Variants in ZNF827 observed in about 807,000 individuals in gnomAD.
The protein encoded by ZNF827 is zinc finger protein 827.
In ZNF827, 13 loss-of-function variants were observed where a neutral mutation model predicts 102.4. That is an observed-to-expected ratio of 0.13 (90% CI 0.08 to 0.20). ZNF827 has a LOEUF of 0.20. Among genes scored for constraint, ZNF827 ranks in the 10% least tolerant of loss-of-function variants. ZNF827 has a pLI of 1.00. For synonymous variants in ZNF827, 523 were observed against 536.2 expected, an observed-to-expected ratio of 0.98 and a Z score of 0.34; for missense variants, 1,103 against 1,344.4, an observed-to-expected ratio of 0.82 and a Z score of 2.81.
At position 145,870,287 on chromosome 4, in the gene ZNF827, C is replaced by T. The variant is rs771083974; in HGVS notation, c.1939G>A (p.Val647Met). The T allele has an allele frequency of 1.3e-5, 21 of 1,614,142 alleles. No individual in the cohort carries two copies. Among genetic ancestry groups the T allele is most frequent in the Non-Finnish European group, 1.7e-5 (20 of 1,180,002 alleles). Residue 647 changes from valine to methionine, a missense_variant, in exon 5 of 15, where the codon GTG becomes ATG. Physicochemically the swap from Val to Met is conservative, Grantham distance 21. Coordinates refer to ENST00000508784, the MANE Select transcript of ZNF827 (RefSeq NM_001306215.2). ...EGKGSVLRRD[V>M]SVKAASELLM... ...AGTTCAGAGGCTGCTTTGACTGACA[C>T]ATCCCGCCTTAGCACACTTCCCTTC...
intron 7 of ZNF827, among the ~76,000 whole-genome samples, chr4:145,827,225 G>A (rs927890622): frequency 2.6e-5 from 4 of 152,094 alleles, no homozygotes; most frequent in African/African-American, 4.8e-5. Flanking sequence ...ACTGCCTTTC[G>A]TTGGTCCGTT....
At chr4:145,886,903 T>C (rs1393389251) in intron 3 of ZNF827, among the ~76,000 whole-genome samples, 1 of 152,248 alleles carries the variant, frequency 6.6e-6, no homozygotes, top group Admixed American at 6.5e-5. Context: ...ATGCACATGA[T>C]ACCTGTAAAA....
intron 7 of ZNF827, among the ~76,000 whole-genome samples, chr4:145,840,560 T>TA (rs1178010559): frequency 6.6e-6 from 1 of 152,188 alleles, no homozygotes; most frequent in African/African-American, 2.4e-5. Flanking sequence ...ATGTAAAGGG[T>TA]AAAGAGAATA....
In ZNF827 at chr4:145,927,619, G is replaced by A. The variant is rs1440625683; in HGVS notation, c.43+10746C>T. Among the ~76,000 whole-genome samples the A allele has an allele frequency of 2.6e-5, 4 of 152,112 alleles. No homozygotes were observed. The East Asian group carries it at 5.8e-4, about 22-fold the overall frequency. On this transcript the variant is annotated intron_variant, in intron 1 of 14. Coordinates refer to ENST00000508784, the MANE Select transcript of ZNF827 (RefSeq NM_001306215.2). The stretch of plus-strand genomic sequence containing the variant: ...GTGGAGAGGCTCTAAGCAATTTATA[G>A]TGGCCAAAACCATCTCCTTCAGGCT...
intron 8 of ZNF827, among the ~76,000 whole-genome samples, chr4:145,796,977 T>G (rs1740450452): frequency 2.0e-5 from 3 of 152,152 alleles, no homozygotes; most frequent in Admixed American, 2.0e-4. Flanking sequence ...TACCTTCATT[T>G]CATAGATACC....
chr4:145,812,835 T>C (rs890195451), intron 8 of ZNF827, among the ~76,000 whole-genome samples: 2 of 152,188 alleles, frequency 1.3e-5, no homozygotes, highest in African/African-American at 4.8e-5. Context: ...ACCTAAACCA[T>C]TTTATTCTAA....
At chr4:145,885,179 C>T (rs1482382428) in intron 4 of ZNF827, among the ~76,000 whole-genome samples, 1 of 151,940 alleles carries the variant, frequency 6.6e-6, no homozygotes, top group African/African-American at 2.4e-5. Context: ...AGATAGTTAT[C>T]ATTTGCTCAA....
At position 145,758,580 on chromosome 4, in the gene ZNF827, G is replaced by C. The variant is rs554809240; in HGVS notation, c.*3036C>G. On this transcript the variant is annotated 3_prime_UTR_variant, in exon 15 of 15. Transcript: ENST00000508784. ...TTATATGGGGATAAAGACATGACTT[G>C]AAAACAAAACAAAACAAAACAAAAA... is the stretch of plus-strand genomic sequence containing the variant. The C allele has an allele frequency of 6.6e-6, 1 of 152,174 alleles. No individual in the cohort carries two copies. Among genetic ancestry groups the C allele is most frequent in the Non-Finnish European group, 1.5e-5 (1 of 68,126 alleles). The allele number at this position is 152,174 out of a possible 1,614,324, so 9.4% of individuals were successfully genotyped here.
chr4:145,800,488 A>G (rs1173027824), intron 8 of ZNF827, among the ~76,000 whole-genome samples: 1 of 152,008 alleles, frequency 6.6e-6, no homozygotes, highest in Non-Finnish European at 1.5e-5. Context: ...CGAGTAGCTA[A>G]GACTACAGAC....
At chr4:145,770,812 A>C (rs1200531115) in intron 11 of ZNF827, among the ~76,000 whole-genome samples, 1 of 152,204 alleles carries the variant, frequency 6.6e-6, no homozygotes, top group Non-Finnish European at 1.5e-5. Context: ...CCCATGAATA[A>C]ATTCCCAGAG....
intron 7 of ZNF827, among the ~76,000 whole-genome samples, chr4:145,836,336 C>A (rs1445143415): frequency 1.3e-5 from 2 of 152,124 alleles, no homozygotes; most frequent in Non-Finnish European, 2.9e-5. Context: ...CACCCTGTAG[C>A]CTTTCTGGCC....
At position 145,870,351 on chromosome 4, in the gene ZNF827, G is replaced by C; in HGVS notation, c.1875C>G (p.Ala625=). 6.2e-7 allele frequency: 1 copy of C among 1,614,086 alleles called. No homozygotes were observed. The highest frequency in any genetic ancestry group is 8.5e-7 in the Non-Finnish European group (1 of 1,179,996). Residue 625 remains alanine, a synonymous_variant, in exon 5 of 15, where the codon GCC becomes GCG. Coordinates refer to ENST00000508784, the MANE Select transcript of ZNF827 (RefSeq NM_001306215.2). The part of the protein sequence containing the change: ...YVFSPESEVS[A]PGVSEDALKP... ...TTAGTGCGTCCTCAGAGACGCCTGGGGCTGACACTTCAGATTCCGGGCTGA... is the reference window on the plus strand; with the variant it reads ...TTAGTGCGTCCTCAGAGACGCCTGGCGCTGACACTTCAGATTCCGGGCTGA...
chr4:145,829,930 C>T (rs1264293449), intron 7 of ZNF827, among the ~76,000 whole-genome samples: 1 of 152,128 alleles, frequency 6.6e-6, no homozygotes, highest in African/African-American at 2.4e-5. Context: ...CTTGAGAAAC[C>T]CTCCAGGAGT....
chr4:145,788,706 A>G (rs1328737824), intron 8 of ZNF827, among the ~76,000 whole-genome samples: 1 of 152,188 alleles, frequency 6.6e-6, no homozygotes, highest in Non-Finnish European at 1.5e-5. Flanking sequence ...GGACCTGGTT[A>G]TTATCTTGCC....
chr4:145,812,595 T>C (rs544357027), intron 8 of ZNF827, among the ~76,000 whole-genome samples: 62 of 152,280 alleles, frequency 4.1e-4, no homozygotes, highest in African/African-American at 1.5e-3. Context: ...TGGCGTGATC[T>C]AGGCTCACTG....
intron 8 of ZNF827, among the ~76,000 whole-genome samples, chr4:145,821,499 T>C (rs1227717651): frequency 6.6e-6 from 1 of 152,208 alleles, no homozygotes; most frequent in Non-Finnish European, 1.5e-5. Context: ...GTCCCTATCA[T>C]TTTAAATTTT....
Position 145,774,624 on chromosome 4 carries a change from G to A in ZNF827, c.2742C>T (p.Ser914=). Reference sequence around the variant, plus strand: ...CCTTGTCCACGTGGAGTGACATGTGGCTGACAAACTGGACATTGAGCTCGG... The same window carrying A: ...CCTTGTCCACGTGGAGTGACATGTGACTGACAAACTGGACATTGAGCTCGG... ...FETELNVQFV[S]HMSLHVDKEQ... Residue 914 remains serine (S), a synonymous_variant, in exon 11 of 15, where the codon AGC becomes AGT. Transcript: ENST00000508784. 1 of 1,613,868 alleles carries A rather than the reference G, an allele frequency of 6.2e-7. No homozygotes were observed. The highest frequency in any genetic ancestry group is 8.5e-7 in the Non-Finnish European group (1 of 1,179,976).
In ZNF827 at chr4:145,902,988, G is replaced by A. The variant is rs1751552045; in HGVS notation, c.271C>T (p.Leu91=). 6.2e-7 allele frequency: 1 copy of A among 1,614,030 alleles called. No homozygotes were observed. The highest frequency in any genetic ancestry group is 1.3e-5 in the African/African-American group (1 of 74,898). ...LELVALDSEV[L]RDSLQCQDHL... ...TCTTGACACTGCAGTGAGTCTCGCA[G>A]GACCTCACTGTCCAGTGCCACCAGC... Residue 91 remains leucine (L), a synonymous_variant, in exon 2 of 15, where the codon CTG becomes TTG. Transcript: ENST00000508784. The surrounding 1 kb of genome is among the most constrained non-coding windows in gnomAD (Gnocchi z 4.3).
At chr4:145,894,903 G>A (rs1750862632) in intron 2 of ZNF827, among the ~76,000 whole-genome samples, 1 of 152,204 alleles carries the variant, frequency 6.6e-6, no homozygotes. Context: ...TTTTGATCAT[G>A]AAGACTACAA....
Sources: allele counts gnomAD v4.1 joint callset (sites outside exome capture counted in the v4.1 genomes callset), GRCh38; gene constraint gnomAD v4.1.1; non-coding constraint Gnocchi (gnomAD v3.1); transcripts MANE v1.5; gene names NCBI Gene and HGNC (gene_info 2026-07-23, HGNC 2026-07-21).